MRAP2: variants seen among roughly 807,000 people sequenced by gnomAD.
MRAP2 encodes melanocortin-2 receptor accessory protein 2.
A neutral mutation model predicts 17.4 loss-of-function variants in MRAP2; 20 were observed. That is an observed-to-expected ratio of 1.15 (90% CI 0.81 to 1.67). The LOEUF (loss-of-function observed/expected upper bound fraction) is 1.67. Among genes scored for constraint, MRAP2 ranks in the 40% most tolerant of loss-of-function variants. The pLI is 0.00. For synonymous variants in MRAP2, 96 were observed against 88.4 expected (o/e 1.09, Z -0.48); for missense variants, 238 against 240.0 (o/e 0.99, Z 0.05).
chr6:84,062,617 A>G (rs1186075337), intron 2 of MRAP2: 1 of 985,446 alleles, frequency 1.0e-6, no homozygotes, highest in Non-Finnish European at 1.2e-6. Context: ...TAGATAACCT[A>G]TGCTCTGGTC....
chr6:84,125,052 AT>A, the MRAP2 span: 1 of 1,591,528 alleles, frequency 6.3e-7, no homozygotes, highest in Non-Finnish European at 8.6e-7. Flanking sequence ...TAAGGTCATT[AT>A]GAAATCTGAA....
At chr6:84,049,767 A>G (rs1204198932) in intron 1 of MRAP2, among the ~76,000 whole-genome samples, 1 of 152,158 alleles carries the variant, frequency 6.6e-6, no homozygotes, top group Non-Finnish European at 1.5e-5. Context: ...TTGCTGCTGG[A>G]AACAAGTTGC....
chr6:84,138,127 A>G, the MRAP2 span, among the ~76,000 whole-genome samples: 3 of 152,218 alleles, frequency 2.0e-5, no homozygotes, highest in African/African-American at 7.2e-5. Context: ...AAGTTCACTA[A>G]TGGTTTAAAA....
rs1038743776 is a variant in MRAP2, at chr6:84,089,694, G to T, written c.*213G>T. On this transcript the variant is annotated 3_prime_UTR_variant, in exon 4 of 4. Transcript: ENST00000257776. The stretch of plus-strand genomic sequence containing the variant: ...TTTGTTTTTGCTTTTTAATACATTT[G>T]GAGCTTTGGGAGTATTAAAGTATTT... The T allele has an allele frequency of 1.6e-4, 87 of 537,990 alleles. No homozygotes were observed. The highest frequency in any genetic ancestry group is 5.1e-5 in the Non-Finnish European group (16 of 314,050). The allele number at this position is 537,990 out of a possible 1,614,324, so 33.3% of individuals were successfully genotyped here. A position where few individuals can be genotyped will look rare whatever the true frequency, so the allele number is the denominator to read the frequency against.
intron 2 of MRAP2, among the ~76,000 whole-genome samples, chr6:84,061,048 T>C (rs945196272): frequency 6.6e-6 from 1 of 152,042 alleles, no homozygotes; most frequent in African/African-American, 2.4e-5. Context: ...AGGCAAAGTA[T>C]ACAATTTCTA....
chr6:84,057,927 T>A (rs2099492107), intron 2 of MRAP2, among the ~76,000 whole-genome samples: 1 of 152,084 alleles, frequency 6.6e-6, no homozygotes, highest in African/African-American at 2.4e-5. Flanking sequence ...CTATAATATA[T>A]CTGGGGGAAG....
chr6:84,050,863 G>A (rs2099490241), intron 1 of MRAP2, among the ~76,000 whole-genome samples: 2 of 152,290 alleles, frequency 1.3e-5, no homozygotes, highest in East Asian at 3.9e-4. Context: ...TGGCCATTAG[G>A]TCTTCCCCTG....
chr6:84,061,150 G>A (rs2099493068), intron 2 of MRAP2, among the ~76,000 whole-genome samples: 1 of 152,186 alleles, frequency 6.6e-6, no homozygotes, highest in Non-Finnish European at 1.5e-5. Context: ...TAGGATGAAA[G>A]TATGAATTAT....
At chr6:84,136,000 C>A in the MRAP2 span, among the ~76,000 whole-genome samples, 1 of 152,198 alleles carries the variant, frequency 6.6e-6, no homozygotes, top group African/African-American at 2.4e-5. Flanking sequence ...CTTACTTAAT[C>A]TAGAGGGTTT....
chr6:84,136,566 G>A, the MRAP2 span, among the ~76,000 whole-genome samples: 1 of 152,292 alleles, frequency 6.6e-6, no homozygotes, highest in East Asian at 1.9e-4. Flanking sequence ...GTTAGTGGGA[G>A]ACATTATAGG....
intron 1 of MRAP2, among the ~76,000 whole-genome samples, chr6:84,049,299 C>T (rs1270373619): frequency 6.6e-6 from 1 of 152,136 alleles, no homozygotes; most frequent in East Asian, 1.9e-4. Flanking sequence ...GTGGTGCACA[C>T]CTGTAATCTC....
intron 3 of MRAP2, among the ~76,000 whole-genome samples, chr6:84,084,913 A>AC (rs2099499953): frequency 3.0e-5 from 3 of 98,688 alleles, no homozygotes; most frequent in African/African-American, 9.5e-5. Flanking sequence ...ATTTTATTTT[A>AC]TTTATTTATT....
chr6:84,115,633 A>G, the MRAP2 span, among the ~76,000 whole-genome samples: 1 of 152,032 alleles, frequency 6.6e-6, no homozygotes, highest in Non-Finnish European at 1.5e-5. Flanking sequence ...GGAAAAAAAA[A>G]CACTCCTGCA....
At chr6:84,134,549 G>T in the MRAP2 span, among the ~76,000 whole-genome samples, 1 of 152,134 alleles carries the variant, frequency 6.6e-6, no homozygotes, top group African/African-American at 2.4e-5. Flanking sequence ...GGGCTGGAGT[G>T]CACCGTTCCT....
At chr6:84,034,802 T>A (rs183611098) in intron 1 of MRAP2, among the ~76,000 whole-genome samples, 1 of 152,236 alleles carries the variant, frequency 6.6e-6, no homozygotes, top group African/African-American at 2.4e-5. Flanking sequence ...TATTTTCAGT[T>A]TGCAGGTAGA....
chr6:84,062,396 C>A, intron 2 of MRAP2: 1 of 366,774 alleles, frequency 2.7e-6, no homozygotes, highest in Non-Finnish European at 3.8e-6. Flanking sequence ...AACCATGAGG[C>A]AGCCCAGAGT....
At chr6:84,136,494 A>G in the MRAP2 span, among the ~76,000 whole-genome samples, 5 of 152,198 alleles carry the variant, frequency 3.3e-5, no homozygotes, top group Non-Finnish European at 7.3e-5. Flanking sequence ...AAATTTAAAC[A>G]TAAGTTTTGG....
At chr6:84,100,140 A>T in the MRAP2 span, among the ~76,000 whole-genome samples, 8 of 152,184 alleles carry the variant, frequency 5.3e-5, no homozygotes, top group East Asian at 1.5e-3. Flanking sequence ...GAATACAGAC[A>T]TGAGCCACCA....
the MRAP2 span, among the ~76,000 whole-genome samples, chr6:84,109,680 C>CTTA: frequency 6.6e-6 from 1 of 151,950 alleles, no homozygotes; most frequent in Non-Finnish European, 1.5e-5. Flanking sequence ...TATACACGTG[C>CTTA]CATAATTGTT....
Sources: allele counts gnomAD v4.1 joint callset (sites outside exome capture counted in the v4.1 genomes callset), GRCh38; gene constraint gnomAD v4.1.1; transcripts MANE v1.5; gene names NCBI Gene and HGNC (gene_info 2026-07-23, HGNC 2026-07-21).